TC2N: variants seen among roughly 807,000 people sequenced by gnomAD.
The protein encoded by TC2N is tandem C2 domains nuclear protein.
A neutral mutation model predicts 61.9 loss-of-function variants in TC2N; 51 were observed. The ratio of observed to expected loss-of-function variants is 0.82; its 90% CI spans 0.66 to 1.04. The LOEUF is 1.04. Ranked by LOEUF, TC2N falls within the 50% of genes least tolerant of loss-of-function variation. TC2N has a pLI of 0.00. For synonymous variants in TC2N, 204 were observed against 192.6 expected (o/e 1.06, Z -0.49); for missense variants, 556 against 566.7 (o/e 0.98, Z 0.19).
At position 91,783,135 on chromosome 14, in the gene TC2N, C is replaced by T; in HGVS notation, c.1438G>A (p.Val480Ile). 2 of 1,611,424 alleles carry T rather than the reference C, an allele frequency of 1.2e-6. No homozygotes were observed. Among genetic ancestry groups the T allele is most frequent in the East Asian group, 2.2e-5 (1 of 44,642 alleles). ...WKETVINPEK[V>I]VIRWHKLNPS ...TTTAATTTGTGCCACCTGATAACAA[C>T]CTTTTCTGGATTTATTACTGTCTCT... is the stretch of plus-strand genomic sequence containing the variant. Residue 480 changes from valine to isoleucine, a missense_variant, in exon 12 of 12, where the codon GTT becomes ATT. Val to Ile is a conservative substitution (Grantham distance 29). Transcript: ENST00000435962.
At chr14:91,834,549 C>CTTTT (rs1887923798) in intron 1 of TC2N, among the ~76,000 whole-genome samples, 1 of 152,082 alleles carries the variant, frequency 6.6e-6, no homozygotes, top group Admixed American at 6.6e-5. Flanking sequence ...GGATTCTAAA[C>CTTTT]TCACATTTAC....
At chr14:91,825,034 T>G (rs902724111) in intron 1 of TC2N, among the ~76,000 whole-genome samples, 1 of 124,282 alleles carries the variant, frequency 8.0e-6, no homozygotes, top group Non-Finnish European at 1.8e-5. Flanking sequence ...TTCTTTTTTT[T>G]TTTTTTTTTT....
At chr14:91,800,234 T>C (rs1204886280) in intron 5 of TC2N, 47 bp downstream of exon 5, 3 of 1,231,594 alleles carry the variant, frequency 2.4e-6, no homozygotes, top group East Asian at 2.6e-5. Context: ...AATTTTTAAT[T>C]TGAAAGGAAA....
intron 1 of TC2N, among the ~76,000 whole-genome samples, chr14:91,839,097 CA>C (rs1282203778): frequency 1.3e-5 from 2 of 152,112 alleles, no homozygotes; most frequent in African/African-American, 4.8e-5. Context: ...TTGATAGAGA[CA>C]AATCGCATAA....
intron 1 of TC2N, among the ~76,000 whole-genome samples, chr14:91,851,927 A>G (rs1264659306): frequency 6.6e-6 from 1 of 152,394 alleles, no homozygotes. Flanking sequence ...TGCTTCAAAA[A>G]GTATTTTCTG....
intron 1 of TC2N, among the ~76,000 whole-genome samples, chr14:91,861,284 CG>C (rs1194492745): frequency 1.3e-5 from 2 of 152,062 alleles, no homozygotes; most frequent in East Asian, 1.9e-4. Context: ...TTTTTAAAGC[CG>C]GAACAGGAAG....
intron 3 of TC2N, among the ~76,000 whole-genome samples, chr14:91,806,700 A>G (rs1886522562): frequency 1.3e-5 from 2 of 152,148 alleles, no homozygotes; most frequent in Non-Finnish European, 2.9e-5. Flanking sequence ...TTTAAAAGAG[A>G]GCATAAAAGT....
At position 91,785,428 on chromosome 14, in the gene TC2N, A is replaced by G. The variant is rs902088035; in HGVS notation, c.1163-67T>C. On this transcript the variant is annotated intron_variant, in intron 10 of 11. Coordinates refer to ENST00000435962, the MANE Select transcript of TC2N (RefSeq NM_001128596.3). ...ATACCATATAAAGATGTGTATATAC[A>G]CATCCAAGTTGGAATATATATATAT... The G allele has an allele frequency of 1.1e-5, 13 of 1,166,484 alleles. No individual in the cohort carries two copies. In the East Asian group the frequency reaches 1.4e-4, roughly 13 times the overall value. The allele number at this position is 1,166,484 out of a possible 1,614,324, so 72.3% of individuals were successfully genotyped here.
chr14:91,801,786 A>G (rs1886262321), intron 4 of TC2N, among the ~76,000 whole-genome samples: 1 of 152,190 alleles, frequency 6.6e-6, no homozygotes, highest in Non-Finnish European at 1.5e-5. Flanking sequence ...CTTTTGTTAT[A>G]TGTATTTATC....
intron 9 of TC2N, 112 bp downstream of exon 9, chr14:91,792,255 A>G: frequency 1.9e-6 from 1 of 525,090 alleles, no homozygotes; most frequent in South Asian, 6.4e-5. Flanking sequence ...GCTACTTGAG[A>G]GCCTTCCAGA....
In TC2N at chr14:91,800,258, T is replaced by C. The variant is rs774264249; in HGVS notation, c.561+23A>G. Reference sequence around the variant, plus strand: ...TTTGAAAGGAAATTATCACATATAATTAAATTTATGTAGATAATTCACCTG... The same window carrying C: ...TTTGAAAGGAAATTATCACATATAACTAAATTTATGTAGATAATTCACCTG... On this transcript the variant is annotated intron_variant, in intron 5 of 11. Transcript: ENST00000435962. 11 of 1,433,634 alleles carry C rather than the reference T, an allele frequency of 7.7e-6. No homozygotes were observed. In the Middle Eastern group the frequency reaches 5.3e-4, roughly 69 times the overall value. The allele number at this position is 1,433,634 out of a possible 1,614,324, so 88.8% of individuals were successfully genotyped here.
At chr14:91,823,316 T>A (rs1427729854) in intron 1 of TC2N, among the ~76,000 whole-genome samples, 1 of 150,574 alleles carries the variant, frequency 6.6e-6, no homozygotes. Context: ...AGGTCGGGAG[T>A]TCGAGACCAG....
intron 9 of TC2N, among the ~76,000 whole-genome samples, chr14:91,789,429 T>TAA (rs112943280): frequency 7.5e-6 from 1 of 133,808 alleles, no homozygotes. Context: ...CTGTCTCTAC[T>TAA]AAAAAAAAAA....
intron 8 of TC2N, among the ~76,000 whole-genome samples, chr14:91,794,656 C>CA (rs994179426): frequency 5.3e-4 from 76 of 142,924 alleles, no homozygotes; most frequent in South Asian, 6.6e-4. Context: ...ATCTACTGCT[C>CA]AAAAAAAAAA....
chr14:91,854,773 C>A (rs1888450089), intron 1 of TC2N, among the ~76,000 whole-genome samples: 1 of 152,142 alleles, frequency 6.6e-6, no homozygotes, highest in Non-Finnish European at 1.5e-5. Flanking sequence ...CTTCCACAAT[C>A]CATACCCTGA....
intron 10 of TC2N, among the ~76,000 whole-genome samples, chr14:91,786,037 A>T (rs190626373): frequency 6.6e-6 from 1 of 152,154 alleles, no homozygotes; most frequent in East Asian, 1.9e-4. Context: ...CAGAAAGTAC[A>T]GTCTGACTAA....
chr14:91,803,464 T>G (rs892479504), intron 3 of TC2N, among the ~76,000 whole-genome samples: 3 of 151,624 alleles, frequency 2.0e-5, no homozygotes, highest in Admixed American at 2.0e-4. Context: ...TATTTATTAT[T>G]ATTTTTGAAG....
intron 4 of TC2N, among the ~76,000 whole-genome samples, chr14:91,801,699 C>T (rs927883253): frequency 3.9e-5 from 6 of 152,106 alleles, no homozygotes; most frequent in Non-Finnish European, 8.8e-5. Context: ...AACAAAAAGA[C>T]AAAATAATCT....
intron 8 of TC2N, among the ~76,000 whole-genome samples, chr14:91,795,227 G>A (rs1045245218): frequency 6.6e-6 from 1 of 152,160 alleles, no homozygotes; most frequent in African/African-American, 2.4e-5. Flanking sequence ...TGGTGAAGAT[G>A]CTGTGAACGT....
Sources: gnomAD v4.1 joint callset for allele counts (sites outside exome capture counted in the v4.1 genomes callset) on GRCh38, gnomAD v4.1.1 for gene constraint, MANE v1.5 for transcripts, NCBI Gene and HGNC (gene_info 2026-07-23, HGNC 2026-07-21) for gene names.